The following RBMS2 variants were observed in gnomAD, a reference collection of about 807,000 sequenced individuals.
RBMS2 encodes the protein RNA binding motif single stranded interacting protein 2.
Under a neutral mutation model 58.4 loss-of-function variants are expected in RBMS2, and 38 were observed. That is an observed-to-expected ratio of 0.65 (90% CI 0.50 to 0.85). The LOEUF (loss-of-function observed/expected upper bound fraction) is 0.85. Ranked by LOEUF, RBMS2 falls within the 40% of genes least tolerant of loss-of-function variation. The pLI is 0.00. For synonymous variants in RBMS2, 151 were observed against 180.7 expected (o/e 0.84, Z 1.32); for missense variants, 367 against 503.7 (o/e 0.73, Z 2.60).
At position 56,540,629 on chromosome 12, in the gene RBMS2, C is replaced by G. The variant is rs141140698; in HGVS notation, c.66+18540C>G. Among the ~76,000 whole-genome samples, 579 of 152,306 alleles carry G rather than the reference C, an allele frequency of 3.8e-3. 5 individuals carry two copies. The highest frequency in any genetic ancestry group is 0.013 in the African/African-American group (538 of 41,554). On this transcript the variant is annotated intron_variant, in intron 1 of 13. Transcript: ENST00000262031. ...TCCTGGCTTCAAGTGATCCTCCCAC[C>G]TCAGTCTTCAGAGTAGCTGGGATTA...
intron 1 of RBMS2, among the ~76,000 whole-genome samples, chr12:56,552,510 C>T (rs1165881984): frequency 3.9e-5 from 6 of 152,166 alleles, no homozygotes; most frequent in Middle Eastern, 6.8e-3. Flanking sequence ...AGCAGCCACA[C>T]GTAAAAGCAG....
chr12:56,582,213 T>C, intron 9 of RBMS2, 61 bp downstream of exon 9: 1 of 1,403,700 alleles, frequency 7.1e-7, no homozygotes, highest in Non-Finnish European at 9.9e-7. Flanking sequence ...TTAAGTGAAG[T>C]AATATAAGGC....
intron 1 of RBMS2, among the ~76,000 whole-genome samples, chr12:56,560,018 C>T (rs1592419654): frequency 6.7e-6 from 1 of 150,000 alleles, no homozygotes; most frequent in Admixed American, 6.7e-5. Context: ...TGTCAGCCTC[C>T]CAAGTAGCTG....
chr12:56,560,814 G>T (rs186613106), intron 1 of RBMS2, among the ~76,000 whole-genome samples: 69 of 152,196 alleles, frequency 4.5e-4, no homozygotes, highest in African/African-American at 1.7e-3. Context: ...TGTTATACAG[G>T]TAATCTTGTG....
chr12:56,581,161 C>G, intron 5 of RBMS2, 23 bp from the exon 6 acceptor site: 1 of 1,550,744 alleles, frequency 6.4e-7, no homozygotes, highest in Non-Finnish European at 8.9e-7. Flanking sequence ...AAGCTAGAGC[C>G]TAACCCCTCT....
chr12:56,555,779 G>A lies in RBMS2; in HGVS notation c.67-6638G>A, dbSNP rs192405582. Among the ~76,000 whole-genome samples, 1,017 of 151,952 alleles carry A rather than the reference G, an allele frequency of 6.7e-3. 7 individuals are homozygous for A. The highest frequency in any genetic ancestry group is 9.2e-3 in the Non-Finnish European group (623 of 67,932). Reference sequence around the variant, plus strand: ...TAATTTTTGTATTTTCAGTAGAGATGGGGGTCTCACCATGTTGCCCAGGCT... The same window carrying A: ...TAATTTTTGTATTTTCAGTAGAGATAGGGGTCTCACCATGTTGCCCAGGCT... On this transcript the variant is annotated intron_variant, in intron 1 of 13. Coordinates refer to ENST00000262031, the MANE Select transcript of RBMS2 (RefSeq NM_002898.4).
chr12:56,529,245 CA>C (rs1459697083), intron 1 of RBMS2, among the ~76,000 whole-genome samples: 1 of 152,010 alleles, frequency 6.6e-6, no homozygotes, highest in Non-Finnish European at 1.5e-5. Context: ...AAATATTATT[CA>C]ACAATAATAA....
chr12:56,554,561 GA>G (rs1283557311), intron 1 of RBMS2, among the ~76,000 whole-genome samples: 1 of 151,972 alleles, frequency 6.6e-6, no homozygotes, highest in African/African-American at 2.4e-5. Context: ...ATAGAGAGGG[GA>G]ACAACACACA....
intron 10 of RBMS2, 90 bp from the exon 11 acceptor site, chr12:56,587,462 CTG>C: frequency 7.6e-7 from 1 of 1,316,378 alleles, no homozygotes. Context: ...TCTTAAATGT[CTG>C]TCTCCAGTGG....
At chr12:56,582,302 G>T in intron 9 of RBMS2, 150 bp downstream of exon 9, 1 of 689,368 alleles carries the variant, frequency 1.5e-6, no homozygotes, top group Non-Finnish European at 2.4e-6. Flanking sequence ...GATGATCTGT[G>T]CATGTGGTCA....
chr12:56,595,496 C>T lies in RBMS2; in HGVS notation c.*6363C>T, dbSNP rs1239294574. ...ATGCCACCATTCTAAAACTTACACTCCTTTTCTACCCCTGGTCTTTTCCTT... is the reference window on the plus strand; with the variant it reads ...ATGCCACCATTCTAAAACTTACACTTCTTTTCTACCCCTGGTCTTTTCCTT... On this transcript the variant is annotated 3_prime_UTR_variant, in exon 14 of 14. Coordinates refer to ENST00000262031, the MANE Select transcript of RBMS2 (RefSeq NM_002898.4). 1.3e-5 allele frequency: 2 copies of T among 152,176 alleles called. No individual in the cohort carries two copies. Among genetic ancestry groups the T allele is most frequent in the Non-Finnish European group, 2.9e-5 (2 of 68,030 alleles). 9.4% of individuals were successfully genotyped at this position (152,176 alleles called of 1,614,324 possible).
chr12:56,528,962 G>A (rs980625952), intron 1 of RBMS2, among the ~76,000 whole-genome samples: 1 of 152,004 alleles, frequency 6.6e-6, no homozygotes, highest in African/African-American at 2.4e-5. Context: ...TAATATATGT[G>A]GAGTAACTGG....
chr12:56,571,440 A>G (rs951837036), intron 4 of RBMS2, among the ~76,000 whole-genome samples: 1 of 152,190 alleles, frequency 6.6e-6, no homozygotes, highest in African/African-American at 2.4e-5. Flanking sequence ...GCCTGTTTCT[A>G]AAAGAGACAG....
chr12:56,544,366 T>C (rs901079965), intron 1 of RBMS2, among the ~76,000 whole-genome samples: 2 of 152,168 alleles, frequency 1.3e-5, no homozygotes, highest in Admixed American at 6.5e-5. Flanking sequence ...TTTTACATTG[T>C]TGTTTTTAGG....
intron 1 of RBMS2, among the ~76,000 whole-genome samples, chr12:56,546,351 T>TA (rs1309410411): frequency 4.4e-5 from 6 of 137,448 alleles, no homozygotes; most frequent in African/African-American, 1.4e-4. Flanking sequence ...ACATTATAAA[T>TA]ATAATGTACA....
intron 1 of RBMS2, among the ~76,000 whole-genome samples, chr12:56,557,458 G>A (rs1428146729): frequency 6.6e-6 from 1 of 152,012 alleles, no homozygotes; most frequent in Non-Finnish European, 1.5e-5. Context: ...GATAAAAGTT[G>A]TTTTATAGTA....
At chr12:56,536,561 CTTTT>C (rs1217193041) in intron 1 of RBMS2, among the ~76,000 whole-genome samples, 5 of 146,332 alleles carry the variant, frequency 3.4e-5, no homozygotes, top group Non-Finnish European at 6.1e-5. Flanking sequence ...CTCCTTCTTT[CTTTT>C]TTTTTTTTGT....
rs1379517244 is a variant in RBMS2, at chr12:56,569,896, C to T, written c.293-3C>T. The T allele has an allele frequency of 2.5e-6, 4 of 1,611,012 alleles. No individual in the cohort carries two copies. In the South Asian group the frequency reaches 4.4e-5, roughly 18 times the overall value. On this transcript the variant is annotated splice_polypyrimidine_tract_variant and splice_region_variant and intron_variant, in intron 3 of 13. Transcript: ENST00000262031. Reference sequence around the variant, plus strand: ...CCTAGTGATGCTGTTTCCTCTGTTCCAGGCTATGGCTTTGTAGATTTTGAC... The same window carrying T: ...CCTAGTGATGCTGTTTCCTCTGTTCTAGGCTATGGCTTTGTAGATTTTGAC...
chr12:56,580,303 A>T (rs1326655121), intron 5 of RBMS2: 1 of 379,824 alleles, frequency 2.6e-6, no homozygotes, highest in Non-Finnish European at 5.0e-6. Context: ...CGTGATCTCG[A>T]CTCACTACAA....
Sources: allele counts gnomAD v4.1 joint callset (sites outside exome capture counted in the v4.1 genomes callset), GRCh38; gene constraint gnomAD v4.1.1; transcripts MANE v1.5; gene names NCBI Gene and HGNC (gene_info 2026-07-23, HGNC 2026-07-21).